KIAA0825: variants seen among roughly 807,000 people sequenced by gnomAD.
KIAA0825 encodes the protein uncharacterized protein KIAA0825.
KIAA0825 carries 119 observed loss-of-function variants against 147.6 expected under a neutral mutation model. The ratio of observed to expected loss-of-function variants is 0.81; its 90% CI spans 0.69 to 0.94. The LOEUF (loss-of-function observed/expected upper bound fraction) is 0.94, where lower values mean the gene tolerates loss of function less well. Among genes scored for constraint, KIAA0825 ranks in the 40% least tolerant of loss-of-function variants. KIAA0825 has a pLI of 0.00. For synonymous variants in KIAA0825, 470 were observed against 518.1 expected (o/e 0.91, Z 1.26); for missense variants, 1,381 against 1,472.7 (o/e 0.94, Z 1.02).
chr5:94,457,314 G>T (rs1281512639), intron 12 of KIAA0825, among the ~76,000 whole-genome samples: 1 of 152,158 alleles, frequency 6.6e-6, no homozygotes, highest in Non-Finnish European at 1.5e-5. Context: ...AAATACAATT[G>T]TATGAGCCAT....
intron 20 of KIAA0825, among the ~76,000 whole-genome samples, chr5:94,382,732 T>C (rs1748587417): frequency 6.6e-6 from 1 of 152,298 alleles, no homozygotes; most frequent in African/African-American, 2.4e-5. Context: ...GAAAATACAC[T>C]TTAACAGCTA....
chr5:94,414,679 A>G (rs1353636301), intron 15 of KIAA0825: 2 of 152,244 alleles, frequency 1.3e-5, no homozygotes, highest in East Asian at 3.8e-4. Flanking sequence ...ATAGAAAAAA[A>G]TGAGAAATAA....
intron 20 of KIAA0825, among the ~76,000 whole-genome samples, chr5:94,245,540 T>A (rs989209400): frequency 1.8e-4 from 27 of 152,314 alleles, no homozygotes; most frequent in Non-Finnish European, 8.8e-5. Flanking sequence ...TTTCTTTTTT[T>A]ATTTCCTTCT....
At chr5:94,181,923 GAC>G (rs1055387517) in intron 20 of KIAA0825, among the ~76,000 whole-genome samples, 5 of 152,108 alleles carry the variant, frequency 3.3e-5, no homozygotes, top group Non-Finnish European at 7.4e-5. Flanking sequence ...CTGCCTTCTG[GAC>G]ACCAGCTGCA....
chr5:94,615,874 T>C (rs1291210161), intron 1 of KIAA0825, among the ~76,000 whole-genome samples: 1 of 152,002 alleles, frequency 6.6e-6, no homozygotes, highest in Non-Finnish European at 1.5e-5. Flanking sequence ...CAGGCTAGAG[T>C]GCAGTAGTAT....
intron 1 of KIAA0825, among the ~76,000 whole-genome samples, chr5:94,589,390 C>T (rs1783930494): frequency 1.3e-5 from 2 of 152,172 alleles, no homozygotes. Flanking sequence ...TGGCTATTGA[C>T]ATTGCCTTTC....
intron 1 of KIAA0825, among the ~76,000 whole-genome samples, chr5:94,601,493 C>G (rs943320811): frequency 1.3e-5 from 2 of 152,202 alleles, no homozygotes; most frequent in African/African-American, 4.8e-5. Flanking sequence ...AGAGTGCATT[C>G]TCTCCTTCAA....
chr5:94,290,388 GGTTTTCTGTTCCTGTGTTA>G (rs1410882409), intron 20 of KIAA0825, among the ~76,000 whole-genome samples: 1 of 152,100 alleles, frequency 6.6e-6, no homozygotes, highest in Non-Finnish European at 1.5e-5. Context: ...TGCAGTGTTT[GGTTTTCTGTTCCTGTGTTA>G]GTTTGCTGAG....
At chr5:94,534,018 T>C (rs552677772) in intron 3 of KIAA0825, among the ~76,000 whole-genome samples, 4 of 152,284 alleles carry the variant, frequency 2.6e-5, no homozygotes, top group African/African-American at 9.6e-5. Flanking sequence ...CATAAATAGA[T>C]GTCAGGGTCA....
intron 1 of KIAA0825, among the ~76,000 whole-genome samples, chr5:94,585,525 C>G (rs956903293): frequency 9.2e-5 from 14 of 152,150 alleles, no homozygotes; most frequent in Non-Finnish European, 1.9e-4. Flanking sequence ...TACAGGGGCA[C>G]CCAGATTCAT....
intron 20 of KIAA0825, among the ~76,000 whole-genome samples, chr5:94,233,916 A>G (rs766864859): frequency 3.3e-5 from 5 of 152,134 alleles, no homozygotes; most frequent in African/African-American, 7.2e-5. Flanking sequence ...CAGATATTGC[A>G]TTTTTGTTTT....
chr5:94,258,982 T>C lies in KIAA0825; in HGVS notation c.3711-104858A>G, dbSNP rs144892257. On this transcript the variant is annotated intron_variant, in intron 20 of 20. Coordinates refer to ENST00000682413, the MANE Select transcript of KIAA0825 (RefSeq NM_001145678.3). ...GTAATGTAGTTCATTCAATTATTATTTAAGGTAAAATGCTGAATTGTTCAT... is the reference window on the plus strand; with the variant it reads ...GTAATGTAGTTCATTCAATTATTATCTAAGGTAAAATGCTGAATTGTTCAT... Among the ~76,000 whole-genome samples the C allele has an allele frequency of 3.6e-4, 55 of 152,178 alleles. 2 individuals are homozygous for C. The East Asian group carries it at 7.9e-3, about 22-fold the overall frequency.
intron 20 of KIAA0825, among the ~76,000 whole-genome samples, chr5:94,286,242 A>G (rs1415951288): frequency 6.6e-6 from 1 of 152,196 alleles, no homozygotes; most frequent in Non-Finnish European, 1.5e-5. Context: ...TGGCATAACA[A>G]GGTCCATGAA....
At chr5:94,437,761 T>C (rs1756558516) in intron 14 of KIAA0825, among the ~76,000 whole-genome samples, 1 of 152,214 alleles carries the variant, frequency 6.6e-6, no homozygotes. Context: ...CCATTTCTCT[T>C]ATAGGACCAT....
At chr5:94,390,463 A>G (rs1749750593) in intron 18 of KIAA0825, among the ~76,000 whole-genome samples, 1 of 152,220 alleles carries the variant, frequency 6.6e-6, no homozygotes, top group Non-Finnish European at 1.5e-5. Flanking sequence ...TAAGCAAGCT[A>G]TGAGGATCAC....
chr5:94,516,158 TTGTC>T (rs1398406842), intron 5 of KIAA0825, among the ~76,000 whole-genome samples: 3 of 152,330 alleles, frequency 2.0e-5, no homozygotes, highest in Middle Eastern at 3.4e-3. Context: ...GTAAATAAAA[TTGTC>T]TGTCTGGTAC....
At chr5:94,548,705 A>C (rs910617876) in intron 2 of KIAA0825, among the ~76,000 whole-genome samples, 1 of 152,192 alleles carries the variant, frequency 6.6e-6, no homozygotes, top group African/African-American at 2.4e-5. Flanking sequence ...AAAGACTGAA[A>C]ACCGAGGGAT....
intron 20 of KIAA0825, among the ~76,000 whole-genome samples, chr5:94,186,472 T>C (rs1770128737): frequency 1.3e-5 from 2 of 152,174 alleles, no homozygotes; most frequent in African/African-American, 2.4e-5. Context: ...GCAAGGGATA[T>C]GTGATAATAA....
rs975359345 is a variant in KIAA0825, at chr5:94,471,693, A to G, written c.1494T>C (p.Leu498=). The change falls in exon 9 of 21, where the codon CTT becomes CTC. Residue 498 remains leucine, a synonymous_variant. Coordinates refer to ENST00000682413, the MANE Select transcript of KIAA0825 (RefSeq NM_001145678.3). ...CATCTCTGCATGCCAGAGCCAGTGG[A>G]AGCATTGTGTCAAGTTTTTCCATGA... is the stretch of plus-strand genomic sequence containing the variant. ...SDIMEKLDTM[L]PLALACRDDS... is the part of the protein sequence containing the mutation. 2 of 1,552,248 alleles carry G rather than the reference A, an allele frequency of 1.3e-6. No individual in the cohort carries two copies. The highest frequency in any genetic ancestry group is 2.7e-5 in the African/African-American group (2 of 73,052).
Sources: allele counts gnomAD v4.1 joint callset (sites outside exome capture counted in the v4.1 genomes callset), GRCh38; gene constraint gnomAD v4.1.1; transcripts MANE v1.5; gene names NCBI Gene and HGNC (gene_info 2026-07-23, HGNC 2026-07-21).